The following NME7 variants were observed in gnomAD, a reference collection of about 807,000 sequenced individuals.
NME7 encodes the protein nucleoside diphosphate kinase 7.
NME7 carries 41 observed loss-of-function variants against 49.1 expected under a neutral mutation model. That is an observed-to-expected ratio of 0.83 (90% CI 0.65 to 1.08). The LOEUF is 1.08. Ranked by LOEUF, NME7 falls within the 50% of genes least tolerant of loss-of-function variation. The probability of loss-of-function intolerance (pLI) is 0.00; values close to 1 mark genes in which losing one functional copy is unlikely to be tolerated. For missense variants in NME7, 423 were observed against 463.4 expected, an observed-to-expected ratio of 0.91 and a Z score of 0.80; for synonymous variants, 139 against 150.6, an observed-to-expected ratio of 0.92 and a Z score of 0.56.
At chr1:169,344,426 A>C (rs2101967428) in intron 1 of NME7, among the ~76,000 whole-genome samples, 2 of 152,238 alleles carry the variant, frequency 1.3e-5, no homozygotes, top group Middle Eastern at 6.8e-3. Context: ...GTGTTGTATA[A>C]AATTGTGAGA....
chr1:169,184,391 T>C (rs1386017207), intron 10 of NME7, among the ~76,000 whole-genome samples: 1 of 152,230 alleles, frequency 6.6e-6, no homozygotes, highest in East Asian at 1.9e-4. Flanking sequence ...CTGGAGTGAA[T>C]GCTGGGCATC....
At chr1:169,147,168 G>C (rs1333053447) in intron 11 of NME7, among the ~76,000 whole-genome samples, 1 of 152,180 alleles carries the variant, frequency 6.6e-6, no homozygotes, top group Admixed American at 6.5e-5. Context: ...ATCTAAAACT[G>C]AGTTGGACAA....
At chr1:169,332,627 GA>G (rs1489062779) in intron 1 of NME7, among the ~76,000 whole-genome samples, 1 of 152,146 alleles carries the variant, frequency 6.6e-6, no homozygotes, top group East Asian at 1.9e-4. Flanking sequence ...TCTACAGGAA[GA>G]AATCTAATAA....
chr1:169,316,282 A>T (rs1291203003), intron 3 of NME7, among the ~76,000 whole-genome samples: 1 of 152,188 alleles, frequency 6.6e-6, no homozygotes, highest in African/African-American at 2.4e-5. Context: ...TTAAGAGAGA[A>T]GATTAGAGCT....
intron 3 of NME7, among the ~76,000 whole-genome samples, chr1:169,321,642 C>A (rs999545090): frequency 4.6e-5 from 7 of 152,056 alleles, no homozygotes; most frequent in African/African-American, 1.7e-4. Context: ...CATGCACCAC[C>A]CCTCTGATCC....
At chr1:169,205,244 G>T (rs925650697) in intron 10 of NME7, among the ~76,000 whole-genome samples, 1 of 152,032 alleles carries the variant, frequency 6.6e-6, no homozygotes, top group Non-Finnish European at 1.5e-5. Context: ...GTTTTCCCAT[G>T]ATCTTATGTA....
chr1:169,366,637 T>C (rs73036849), intron 1 of NME7, among the ~76,000 whole-genome samples: 5 of 152,332 alleles, frequency 3.3e-5, no homozygotes, highest in African/African-American at 1.2e-4. Context: ...TCCCTTTCTC[T>C]ACACTAGAAA....
chr1:169,142,696 A>G (rs892711805), intron 11 of NME7, among the ~76,000 whole-genome samples: 4 of 152,174 alleles, frequency 2.6e-5, no homozygotes, highest in Non-Finnish European at 5.9e-5. Context: ...CAATGGTAAA[A>G]CCAAGGTGTC....
intron 6 of NME7, among the ~76,000 whole-genome samples, chr1:169,292,024 G>A (rs1313657025): frequency 1.3e-5 from 2 of 151,808 alleles, no homozygotes; most frequent in African/African-American, 4.8e-5. Flanking sequence ...ACAACAAATC[G>A]CTGAAATTGA....
chr1:169,342,203 C>T (rs1652733030), intron 1 of NME7, among the ~76,000 whole-genome samples: 2 of 151,964 alleles, frequency 1.3e-5, no homozygotes, highest in African/African-American at 4.8e-5. Context: ...GGGCAGTTTC[C>T]CCCATGCTGT....
At chr1:169,178,730 T>C (rs1275280875) in intron 10 of NME7, among the ~76,000 whole-genome samples, 1 of 152,134 alleles carries the variant, frequency 6.6e-6, no homozygotes, top group Non-Finnish European at 1.5e-5. Flanking sequence ...AAGTACCTTT[T>C]TGCTATCTGG....
intron 7 of NME7, among the ~76,000 whole-genome samples, chr1:169,239,061 C>CA (rs1558002233): frequency 6.6e-6 from 1 of 151,760 alleles, no homozygotes. Flanking sequence ...AGTTTTCCTT[C>CA]AAAAAGAAAC....
At chr1:169,222,510 A>C (rs1661175897) in intron 10 of NME7, among the ~76,000 whole-genome samples, 2 of 152,248 alleles carry the variant, frequency 1.3e-5, no homozygotes, top group East Asian at 1.9e-4. Flanking sequence ...AAAGGAAAAA[A>C]CCCCAAGGAA....
intron 11 of NME7, among the ~76,000 whole-genome samples, chr1:169,151,594 C>T (rs116572675): frequency 5.2e-4 from 79 of 152,294 alleles, no homozygotes; most frequent in African/African-American, 1.9e-3. Flanking sequence ...GGCTGTCCAG[C>T]CCCCTGAAGC....
intron 7 of NME7, among the ~76,000 whole-genome samples, chr1:169,243,641 C>T (rs1648182419): frequency 6.6e-6 from 1 of 152,158 alleles, no homozygotes; most frequent in African/African-American, 2.4e-5. Context: ...GCCTCTTTCA[C>T]CATGTAAAGG....
At chr1:169,237,482 G>C (rs993498393) in intron 8 of NME7, 141 bp downstream of exon 8, 4 of 505,172 alleles carry the variant, frequency 7.9e-6, no homozygotes, top group Non-Finnish European at 1.0e-5. Flanking sequence ...TTGACTACAG[G>C]AAGGTTACTG....
At chr1:169,159,074 T>C (rs1229876026) in intron 11 of NME7, among the ~76,000 whole-genome samples, 5 of 152,116 alleles carry the variant, frequency 3.3e-5, no homozygotes, top group Non-Finnish European at 7.4e-5. Flanking sequence ...CAGTACTAAA[T>C]CCCAGCAACA....
At chr1:169,164,218 T>C (rs912305736) in intron 11 of NME7, among the ~76,000 whole-genome samples, 14 of 152,278 alleles carry the variant, frequency 9.2e-5, no homozygotes, top group Middle Eastern at 6.8e-3. Flanking sequence ...AACACTGTTA[T>C]AGAGTCTTCT....
chr1:169,287,103 C>T (rs71635617), intron 7 of NME7, 200 bp downstream of exon 7: 132,293 of 497,698 alleles, frequency 0.27, 20,595 homozygotes, highest in Non-Finnish European at 0.33. Context: ...AGAACACCTC[C>T]TAAAAATCCA....
Sources: gnomAD v4.1 joint callset for allele counts (sites outside exome capture counted in the v4.1 genomes callset) on GRCh38, gnomAD v4.1.1 for gene constraint, MANE v1.5 for transcripts, NCBI Gene and HGNC (gene_info 2026-07-23, HGNC 2026-07-21) for gene names.